Variants in ITGA8 observed in about 807,000 individuals in gnomAD.
The protein encoded by ITGA8 is integrin subunit alpha 8, also known as integrin alpha-8.
A neutral mutation model predicts 142.3 loss-of-function variants in ITGA8; 91 were observed. The ratio of observed to expected loss-of-function variants is 0.64; its 90% CI spans 0.54 to 0.76. ITGA8 has a LOEUF of 0.76. ITGA8 is among the 30% of genes least tolerant of loss of function. The pLI is 0.00. For missense variants in ITGA8, 1,406 were observed against 1,327.7 expected (o/e 1.06, Z -0.92); for synonymous variants, 505 against 485.2 (o/e 1.04, Z -0.54).
At chr10:15,520,739 C>T (rs1051988464) in intron 28 of ITGA8, among the ~76,000 whole-genome samples, 16 of 152,340 alleles carry the variant, frequency 1.1e-4, no homozygotes, top group Admixed American at 2.0e-4. Context: ...CGTAGTATTC[C>T]GGTTTTATCA....
intron 14 of ITGA8, among the ~76,000 whole-genome samples, chr10:15,614,298 G>A (rs1238581082): frequency 2.6e-5 from 4 of 152,086 alleles, no homozygotes; most frequent in Non-Finnish European, 1.5e-5. Context: ...CTAAATACAC[G>A]AAGCAGGGTT....
At chr10:15,704,981 G>A (rs574939152) in intron 2 of ITGA8, among the ~76,000 whole-genome samples, 13 of 136,082 alleles carry the variant, frequency 9.6e-5, no homozygotes, top group Admixed American at 5.5e-4. Flanking sequence ...AGAACAGTTC[G>A]TATTATGGTT....
intron 11 of ITGA8, among the ~76,000 whole-genome samples, chr10:15,650,653 G>GAATTATAGCAACAAT (rs1834068427): frequency 6.6e-6 from 1 of 152,030 alleles, no homozygotes; most frequent in Non-Finnish European, 1.5e-5. Flanking sequence ...CCAGTCTCCG[G>GAATTATAGCAACAAT]TATTCAATTA....
chr10:15,648,315 T>C (rs1834024444), intron 11 of ITGA8, among the ~76,000 whole-genome samples: 1 of 152,058 alleles, frequency 6.6e-6, no homozygotes, highest in Admixed American at 6.6e-5. Flanking sequence ...ATTTGACTTT[T>C]ATGCCTATGT....
At chr10:15,681,257 A>T (rs1834731451) in intron 4 of ITGA8, among the ~76,000 whole-genome samples, 1 of 152,210 alleles carries the variant, frequency 6.6e-6, no homozygotes, top group Non-Finnish European at 1.5e-5. Flanking sequence ...TATGCTCATG[A>T]ACAAGCTGGC....
At chr10:15,557,884 T>C (rs553318213) in intron 26 of ITGA8, among the ~76,000 whole-genome samples, 190 bp downstream of exon 26, 35 of 152,370 alleles carry the variant, frequency 2.3e-4, no homozygotes, top group African/African-American at 7.5e-4. Context: ...GAAAAGGTTA[T>C]ATTGCAAGTG....
intron 15 of ITGA8, among the ~76,000 whole-genome samples, chr10:15,612,992 C>G (rs746299383): frequency 6.6e-6 from 1 of 152,090 alleles, no homozygotes; most frequent in Non-Finnish European, 1.5e-5. Context: ...GAAACCCCGT[C>G]TCTACTAAAA....
intron 23 of ITGA8, among the ~76,000 whole-genome samples, chr10:15,576,526 C>T (rs1485395962): frequency 6.6e-6 from 1 of 152,090 alleles, no homozygotes; most frequent in Admixed American, 6.5e-5. Flanking sequence ...TGAAAGTAAC[C>T]TCAACAGAAA....
intron 20 of ITGA8, among the ~76,000 whole-genome samples, chr10:15,599,661 C>T (rs1334377011): frequency 6.6e-6 from 1 of 152,052 alleles, no homozygotes; most frequent in Non-Finnish European, 1.5e-5. Context: ...TGGCTGATAT[C>T]TGTAATCCCA....
chr10:15,566,196 T>C (rs553649287), intron 25 of ITGA8, among the ~76,000 whole-genome samples: 2 of 152,214 alleles, frequency 1.3e-5, no homozygotes, highest in Non-Finnish European at 2.9e-5. Flanking sequence ...TGGTTGTAAT[T>C]TGGACTTCCC....
chr10:15,541,175 G>T (rs1013983003), intron 27 of ITGA8, among the ~76,000 whole-genome samples: 2 of 152,224 alleles, frequency 1.3e-5, no homozygotes, highest in African/African-American at 4.8e-5. Context: ...ATAAAAGGCT[G>T]TTGGAGATTG....
Position 15,519,278 on chromosome 10 carries a change from A to G in ITGA8, c.3105+12T>C, listed in dbSNP as rs375704273. On this transcript the variant is annotated intron_variant, in intron 29 of 29. Coordinates refer to ENST00000378076, the MANE Select transcript of ITGA8 (RefSeq NM_003638.3). Reference sequence around the variant, plus strand: ...CTCTAGTTTAAAAGGAAAACAAAGTAAATCAACTTACCTTCCATAAAGCTA... The same window carrying G: ...CTCTAGTTTAAAAGGAAAACAAAGTGAATCAACTTACCTTCCATAAAGCTA... 35 of 1,612,932 alleles carry G rather than the reference A, an allele frequency of 2.2e-5. 1 individual carries two copies. Among genetic ancestry groups the G allele is most frequent in the Middle Eastern group, 1.6e-4 (1 of 6,074 alleles).
At chr10:15,521,247 C>T (rs181398388) in intron 28 of ITGA8, among the ~76,000 whole-genome samples, 141 of 152,112 alleles carry the variant, frequency 9.3e-4, no homozygotes, top group South Asian at 4.8e-3. Flanking sequence ...TGGTCTAGAA[C>T]TCCTGACCTC....
intron 10 of ITGA8, among the ~76,000 whole-genome samples, chr10:15,656,167 C>T (rs774618126): frequency 1.3e-5 from 2 of 152,160 alleles, no homozygotes; most frequent in Non-Finnish European, 2.9e-5. Context: ...ACAGATGACA[C>T]TTGTGAGTGC....
rs371407103 is a variant in ITGA8 at position 15,683,967 on chromosome 10, G to A, written c.568+37C>T. The A allele has an allele frequency of 9.9e-6, 16 of 1,612,540 alleles. No individual in the cohort carries two copies. The African/African-American group carries it at 1.9e-4, about 19-fold the overall frequency. On this transcript the variant is annotated intron_variant, in intron 4 of 29. Coordinates refer to ENST00000378076, the MANE Select transcript of ITGA8 (RefSeq NM_003638.3). ...TCCTGTCTACGATAGAAAAGCACTT[G>A]AGCTAATGTCAGTTTCAAGGAATAA...
chr10:15,699,073 C>A (rs1354129901), intron 2 of ITGA8, among the ~76,000 whole-genome samples: 1 of 152,164 alleles, frequency 6.6e-6, no homozygotes, highest in African/African-American at 2.4e-5. Context: ...CACCTGAGGT[C>A]AGGAGTTCGA....
intron 8 of ITGA8, among the ~76,000 whole-genome samples, chr10:15,670,316 A>G (rs1012276464): frequency 2.0e-5 from 3 of 152,214 alleles, no homozygotes; most frequent in Non-Finnish European, 4.4e-5. Flanking sequence ...CTCATGCATT[A>G]GCTCATGCAA....
intron 13 of ITGA8, among the ~76,000 whole-genome samples, chr10:15,634,004 C>T (rs1314293880): frequency 2.0e-5 from 3 of 152,174 alleles, no homozygotes; most frequent in Non-Finnish European, 4.4e-5. Flanking sequence ...GTGGCAAGAA[C>T]ACACTTGACA....
In ITGA8 at chr10:15,663,229, T is replaced by C. The variant is rs374835270; in HGVS notation, c.848-2307A>G. Among the ~76,000 whole-genome samples, 248 of 152,340 alleles carry C rather than the reference T, an allele frequency of 1.6e-3. 2 individuals are homozygous for C. Among genetic ancestry groups the C allele is most frequent in the African/African-American group, 5.8e-3 (240 of 41,588 alleles). ...TAGTGGTCTGGTGAGCTGATTGCGA[T>C]GTTCCTTGATAGTGCTTTTATTTTA... is the stretch of plus-strand genomic sequence containing the variant. On this transcript the variant is annotated intron_variant, in intron 8 of 29. Transcript: ENST00000378076.
Sources: allele counts gnomAD v4.1 joint callset (sites outside exome capture counted in the v4.1 genomes callset), GRCh38; gene constraint gnomAD v4.1.1; transcripts MANE v1.5; gene names NCBI Gene and HGNC (gene_info 2026-07-23, HGNC 2026-07-21).